The following CCDC178 variants were observed in gnomAD, a reference collection of about 807,000 sequenced individuals.
CCDC178 encodes the protein coiled-coil domain-containing protein 178.
In CCDC178, 126 loss-of-function variants were observed where a neutral mutation model predicts 117.4. The ratio of observed to expected loss-of-function variants is 1.07; its 90% confidence interval spans 0.93 to 1.24. The LOEUF is 1.24. Ranked by LOEUF, CCDC178 falls within the 50% of genes most tolerant of loss-of-function variation. The pLI, the probability that CCDC178 is intolerant of heterozygous loss-of-function variation, is 0.00. For missense variants in CCDC178, 1,030 were observed against 986.9 expected, an observed-to-expected ratio of 1.04 and a Z score of -0.59; for synonymous variants, 283 against 313.4, an observed-to-expected ratio of 0.90 and a Z score of 1.02.
At chr18:33,414,838 T>A (rs1027073833) in intron 2 of CCDC178, among the ~76,000 whole-genome samples, 21 of 152,142 alleles carry the variant, frequency 1.4e-4, no homozygotes, top group African/African-American at 5.1e-4. Flanking sequence ...TACAAAGAAC[T>A]CAAACAAATT....
chr18:32,972,321 A>G (rs1308506398), intron 22 of CCDC178, among the ~76,000 whole-genome samples: 6 of 152,088 alleles, frequency 3.9e-5, no homozygotes, highest in African/African-American at 1.4e-4. Flanking sequence ...CAAAGATCAG[A>G]TGGTTGTAGA....
chr18:33,007,861 A>G (rs780945285), intron 21 of CCDC178, among the ~76,000 whole-genome samples: 11 of 152,152 alleles, frequency 7.2e-5, no homozygotes, highest in Non-Finnish European at 1.5e-4. Context: ...TTCCTAATGT[A>G]TGAAAATGGA....
At chr18:33,168,827 A>G (rs1306006099) in intron 20 of CCDC178, among the ~76,000 whole-genome samples, 1 of 152,234 alleles carries the variant, frequency 6.6e-6, no homozygotes, top group African/African-American at 2.4e-5. Context: ...AATTGGACCC[A>G]AAATAGTTTC....
At chr18:33,170,580 C>T (rs528602833) in intron 20 of CCDC178, among the ~76,000 whole-genome samples, 108 of 151,926 alleles carry the variant, frequency 7.1e-4, no homozygotes, top group African/African-American at 2.5e-3. Context: ...TCACTGTATA[C>T]ATATTGTGTA....
intron 8 of CCDC178, 151 bp downstream of exon 8, chr18:33,348,739 C>G (rs10853426): frequency 0.27 from 151,521 of 571,702 alleles, 21,915 homozygotes; most frequent in East Asian, 0.46. Context: ...AATGCTTAAT[C>G]AAATGATATA....
intron 21 of CCDC178, among the ~76,000 whole-genome samples, chr18:33,045,306 T>C (rs932592025): frequency 2.6e-5 from 4 of 152,200 alleles, no homozygotes; most frequent in Non-Finnish European, 4.4e-5. Flanking sequence ...ATATATGACC[T>C]ACCGTGTTAA....
chr18:33,084,555 G>A (rs1336436846), intron 21 of CCDC178, among the ~76,000 whole-genome samples: 1 of 152,100 alleles, frequency 6.6e-6, no homozygotes, highest in African/African-American at 2.4e-5. Flanking sequence ...GCTCACACCT[G>A]TAATCCCAGC....
At chr18:33,422,011 A>C (rs950803400) in intron 2 of CCDC178, among the ~76,000 whole-genome samples, 2 of 152,336 alleles carry the variant, frequency 1.3e-5, no homozygotes, top group Non-Finnish European at 2.9e-5. Flanking sequence ...CCCACAAAGC[A>C]AAGACATCTG....
At chr18:32,983,332 C>G in intron 21 of CCDC178, 1 of 1,530,466 alleles carries the variant, frequency 6.5e-7, no homozygotes, top group Non-Finnish European at 8.8e-7. Context: ...TTGGAAGTTT[C>G]TTAGGTAAGA....
chr18:33,009,611 T>A (rs1277044514), intron 21 of CCDC178, among the ~76,000 whole-genome samples: 1 of 152,164 alleles, frequency 6.6e-6, no homozygotes, highest in African/African-American at 2.4e-5. Context: ...TAGAATTCCA[T>A]CCCTTCCCCA....
chr18:32,948,110 G>A (rs1343774612), intron 22 of CCDC178, among the ~76,000 whole-genome samples: 1 of 152,006 alleles, frequency 6.6e-6, no homozygotes, highest in Non-Finnish European at 1.5e-5. Flanking sequence ...ACTTTATAAT[G>A]AATTTTGAAA....
At chr18:33,009,859 T>A (rs1314921402) in intron 21 of CCDC178, among the ~76,000 whole-genome samples, 1 of 152,112 alleles carries the variant, frequency 6.6e-6, no homozygotes, top group Non-Finnish European at 1.5e-5. Flanking sequence ...TTGAAAGGAA[T>A]ACAAAAAATG....
At chr18:33,299,352 A>G (rs189112554) in intron 11 of CCDC178, among the ~76,000 whole-genome samples, 29 of 152,284 alleles carry the variant, frequency 1.9e-4, no homozygotes, top group African/African-American at 7.0e-4. Context: ...ACTTTGGGGA[A>G]ATGACAGTCT....
chr18:33,173,287 T>C (rs527647524), intron 20 of CCDC178, among the ~76,000 whole-genome samples: 28 of 152,132 alleles, frequency 1.8e-4, no homozygotes, highest in Non-Finnish European at 3.7e-4. Context: ...GGAGCTCAAG[T>C]GATCTGCCTG....
chr18:33,321,195 C>G (rs796374929), intron 11 of CCDC178, among the ~76,000 whole-genome samples: 19 of 152,260 alleles, frequency 1.2e-4, no homozygotes, highest in African/African-American at 4.3e-4. Flanking sequence ...GACTTCATGT[C>G]TAAAACACCA....
chr18:33,373,329 C>T (rs890407028), intron 5 of CCDC178, among the ~76,000 whole-genome samples: 12 of 152,134 alleles, frequency 7.9e-5, no homozygotes, highest in African/African-American at 2.9e-4. Context: ...TGTTCACTTA[C>T]TGCCATTTTC....
At chr18:33,209,096 AC>A (rs1228715938) in intron 20 of CCDC178, among the ~76,000 whole-genome samples, 6 of 152,056 alleles carry the variant, frequency 3.9e-5, no homozygotes, top group Non-Finnish European at 1.5e-5. Flanking sequence ...AAAAGCAAGG[AC>A]AAACATCACT....
At chr18:33,270,592 T>C (rs1243395442) in intron 12 of CCDC178, among the ~76,000 whole-genome samples, 2 of 151,632 alleles carry the variant, frequency 1.3e-5, no homozygotes, top group East Asian at 3.9e-4. Context: ...TACTAGCATA[T>C]ACAAAATACA....
chr18:33,105,916 T>C (rs999516443), intron 20 of CCDC178, among the ~76,000 whole-genome samples: 1 of 151,536 alleles, frequency 6.6e-6, no homozygotes, highest in Non-Finnish European at 1.5e-5. Flanking sequence ...ATGACTGTAG[T>C]TGATTTTCAA....
Sources: allele counts gnomAD v4.1 joint callset (sites outside exome capture counted in the v4.1 genomes callset), GRCh38; gene constraint gnomAD v4.1.1; transcripts MANE v1.5; gene names NCBI Gene and HGNC (gene_info 2026-07-23, HGNC 2026-07-21).